Variants in L3MBTL4 observed in about 807,000 individuals in gnomAD.
L3MBTL4 encodes L3MBTL histone methyl-lysine binding protein 4, also known as lethal(3)malignant brain tumor-like protein 4.
L3MBTL4 carries 70 observed loss-of-function variants against 84.5 expected under a neutral mutation model. The ratio of observed to expected loss-of-function variants is 0.83; its 90% CI spans 0.68 to 1.01. The LOEUF (loss-of-function observed/expected upper bound fraction) is 1.01. L3MBTL4 is among the 50% of genes least tolerant of loss of function. The pLI is 0.00. For missense variants in L3MBTL4, 715 were observed against 754.8 expected (o/e 0.95, Z 0.62); for synonymous variants, 274 against 259.8 (o/e 1.05, Z -0.52).
At chr18:6,244,447 T>A in intron 6 of L3MBTL4, 37 bp downstream of exon 6, 1 of 1,260,186 alleles carries the variant, frequency 7.9e-7, no homozygotes, top group South Asian at 1.3e-5. Context: ...TTTCTGTCAC[T>A]AGGCAATTAG....
At chr18:6,041,388 G>A (rs935576703) in intron 16 of L3MBTL4, among the ~76,000 whole-genome samples, 3 of 151,542 alleles carry the variant, frequency 2.0e-5, no homozygotes, top group African/African-American at 4.9e-5. Flanking sequence ...TCAATGGACT[G>A]GCCCCCCCTA....
chr18:6,150,766 A>G (rs919343090), intron 13 of L3MBTL4, among the ~76,000 whole-genome samples: 3 of 152,196 alleles, frequency 2.0e-5, no homozygotes, highest in Non-Finnish European at 4.4e-5. Flanking sequence ...TGCTGCCCCA[A>G]GGGAGCTTCT....
intron 1 of L3MBTL4, among the ~76,000 whole-genome samples, chr18:6,342,462 T>C (rs1018627099): frequency 7.6e-4 from 116 of 152,186 alleles, no homozygotes; most frequent in African/African-American, 2.7e-3. Flanking sequence ...GAAGTAAATG[T>C]ATTGAGTTTT....
intron 10 of L3MBTL4, among the ~76,000 whole-genome samples, chr18:6,227,806 G>A (rs2046838548): frequency 6.6e-6 from 1 of 152,086 alleles, no homozygotes; most frequent in African/African-American, 2.4e-5. Context: ...GAGTAGCTGG[G>A]ACTGCAGGTG....
At chr18:6,156,294 G>A (rs756881452) in intron 13 of L3MBTL4, among the ~76,000 whole-genome samples, 4 of 152,120 alleles carry the variant, frequency 2.6e-5, no homozygotes, top group Non-Finnish European at 5.9e-5. Flanking sequence ...GGCCATAAGT[G>A]TAGAACTATT....
chr18:5,961,692 C>T (rs1196746964), intron 17 of L3MBTL4, among the ~76,000 whole-genome samples: 3 of 152,194 alleles, frequency 2.0e-5, no homozygotes, highest in South Asian at 2.1e-4. Flanking sequence ...GGCCCGGGCT[C>T]TTAGTATTAC....
intron 1 of L3MBTL4, among the ~76,000 whole-genome samples, chr18:6,365,077 A>T (rs770789867): frequency 1.3e-5 from 2 of 152,178 alleles, no homozygotes; most frequent in Non-Finnish European, 2.9e-5. Flanking sequence ...TTTTAAACTT[A>T]AGCTTGAATA....
chr18:6,142,586 A>G (rs921188188), intron 13 of L3MBTL4, among the ~76,000 whole-genome samples: 7 of 152,188 alleles, frequency 4.6e-5, no homozygotes, highest in Non-Finnish European at 8.8e-5. Context: ...GCTTTTTTTA[A>G]AAAAACAACT....
At chr18:5,958,110 AAGAAGAAGAAGAAGAAGAAAAAG>A in intron 18 of L3MBTL4, among the ~76,000 whole-genome samples, 3 of 68,626 alleles carry the variant, frequency 4.4e-5, no homozygotes, top group Admixed American at 2.9e-4. Flanking sequence ...GAAGAAGAAG[AAGAAGAAGAAGAAGAAGAAAAAG>A]AAGAAGAAGA....
rs945537759 is a variant in L3MBTL4, at chr18:6,335,920, T to C, written c.-90-23864A>G. 5.9e-5 allele frequency among the ~76,000 whole-genome samples: 9 copies of C among 152,316 alleles called. No homozygotes were observed. In the South Asian group the frequency reaches 1.2e-3, roughly 21 times the overall value. ...TACCCAGTCTCAGGTAATATCTTTA[T>C]AGCAGTGTGAAAACGGACTAATACA... On this transcript the variant is annotated intron_variant, in intron 1 of 18. Coordinates refer to ENST00000317931, the MANE Select transcript of L3MBTL4 (RefSeq NM_001330559.2).
chr18:6,000,534 G>A lies in L3MBTL4; in HGVS notation c.1445-30972C>T, dbSNP rs376553013. Among the ~76,000 whole-genome samples, 30 of 152,126 alleles carry A rather than the reference G, an allele frequency of 2.0e-4. No homozygotes were observed. In the East Asian group the frequency reaches 4.3e-3, roughly 22 times the overall value. On this transcript the variant is annotated intron_variant, in intron 16 of 18. Coordinates refer to ENST00000317931, the MANE Select transcript of L3MBTL4 (RefSeq NM_001330559.2). Reference sequence around the variant, plus strand: ...GCAAAATGAAATTTAAATTTAAAAAGAACTTAAAAAACATTAGAGAAGGTG... The same window carrying A: ...GCAAAATGAAATTTAAATTTAAAAAAAACTTAAAAAACATTAGAGAAGGTG...
intron 1 of L3MBTL4, among the ~76,000 whole-genome samples, chr18:6,350,553 GA>G (rs56235442): frequency 0.28 from 39,100 of 142,154 alleles, 6,423 homozygotes; most frequent in African/African-American, 0.48. Context: ...ATATAAAAAA[GA>G]AAAAAAAAAA....
rs368214526 is a variant in L3MBTL4, at chr18:6,243,302, A to G, written c.452T>C (p.Ile151Thr). Reference protein sequence around the residue: ...WCEKTKHELHIPKGYRKDKFV... With the variant: ...WCEKTKHELHTPKGYRKDKFV... ...AATGTATCCTGGCTTACCCTTAGGG[A>G]TGTGCAGTTCATGTTTGGTCTTTTC... Residue 151 changes from isoleucine (I) to threonine (T), a missense_variant, in exon 7 of 19, where the codon ATC becomes ACC. Coordinates refer to ENST00000317931, the MANE Select transcript of L3MBTL4 (RefSeq NM_001330559.2). 3 of 1,586,520 alleles carry G rather than the reference A, an allele frequency of 1.9e-6. No individual in the cohort carries two copies. The highest frequency in any genetic ancestry group is 2.3e-5 in the East Asian group (1 of 43,750).
At chr18:6,112,015 C>G (rs1444059430) in intron 14 of L3MBTL4, among the ~76,000 whole-genome samples, 2 of 152,182 alleles carry the variant, frequency 1.3e-5, no homozygotes, top group Non-Finnish European at 2.9e-5. Flanking sequence ...TTTCTACCCT[C>G]TGCTTCTATG....
intron 1 of L3MBTL4, chr18:6,367,402 T>A (rs1163838204): frequency 6.6e-6 from 1 of 152,204 alleles, no homozygotes. Flanking sequence ...GGCCTCCCGC[T>A]GAGAACAGGC....
At chr18:6,276,695 C>T (rs1393627100) in intron 4 of L3MBTL4, among the ~76,000 whole-genome samples, 1 of 144,794 alleles carries the variant, frequency 6.9e-6, no homozygotes, top group Non-Finnish European at 1.5e-5. Flanking sequence ...ATCATAAATT[C>T]TAGTGGGTGA....
intron 14 of L3MBTL4, among the ~76,000 whole-genome samples, chr18:6,126,995 GA>G (rs1466299181): frequency 6.6e-6 from 1 of 152,186 alleles, no homozygotes; most frequent in African/African-American, 2.4e-5. Flanking sequence ...ACGTGTCACT[GA>G]GGTGCTTTCC....
Position 5,965,798 on chromosome 18 carries a change from A to G in L3MBTL4, c.1614+3595T>C, listed in dbSNP as rs552008575. 2.8e-4 allele frequency among the ~76,000 whole-genome samples: 43 copies of G among 152,358 alleles called. No individual in the cohort carries two copies. In the South Asian group the frequency reaches 8.9e-3, roughly 32 times the overall value. On this transcript the variant is annotated intron_variant, in intron 17 of 18. Coordinates refer to ENST00000317931, the MANE Select transcript of L3MBTL4 (RefSeq NM_001330559.2). ...AATTCAGGATGCGGTCCTTGTCCTCAGGGCATCTAGTTGGGGAGACAGCAA... is the reference window on the plus strand; with the variant it reads ...AATTCAGGATGCGGTCCTTGTCCTCGGGGCATCTAGTTGGGGAGACAGCAA...
rs544515851 is a variant in L3MBTL4 at position 6,051,844 on chromosome 18, C to A, written c.1444+29037G>T. The stretch of plus-strand genomic sequence containing the variant: ...TTTCAGCATGGCGTTCACTACACTA[C>A]CTTAAGAATTCTTGGCTTGGCAGGA... On this transcript the variant is annotated intron_variant, in intron 16 of 18. Transcript: ENST00000317931. Among the ~76,000 whole-genome samples the A allele has an allele frequency of 8.1e-4, 123 of 152,304 alleles. 4 individuals carry two copies. In the South Asian group the frequency reaches 0.025, roughly 31 times the overall value.
Sources: allele counts gnomAD v4.1 joint callset (sites outside exome capture counted in the v4.1 genomes callset), GRCh38; gene constraint gnomAD v4.1.1; transcripts MANE v1.5; gene names NCBI Gene and HGNC (gene_info 2026-07-23, HGNC 2026-07-21).